HECTD4: variants seen among roughly 807,000 people sequenced by gnomAD.
HECTD4 encodes the protein HECT domain E3 ubiquitin protein ligase 4.
HECTD4 carries 114 observed loss-of-function variants against 471.5 expected under a neutral mutation model. The observed-to-expected ratio is 0.24, with a 90% CI of 0.21 to 0.28. The LOEUF (loss-of-function observed/expected upper bound fraction) is 0.28, where lower values mean the gene tolerates loss of function less well. HECTD4 is among the 10% of genes least tolerant of loss of function. The pLI, the probability that HECTD4 is intolerant of heterozygous loss-of-function variation, is 1.00. For missense variants in HECTD4, 3,866 were observed against 5,651.5 expected (o/e 0.68, Z 10.13); for synonymous variants, 2,012 against 2,256.0 (o/e 0.89, Z 3.07).
At chr12:112,174,126 C>T (rs745776086) in intron 66 of HECTD4, among the ~76,000 whole-genome samples, 11 of 148,230 alleles carry the variant, frequency 7.4e-5, no homozygotes, top group Admixed American at 2.7e-4. Flanking sequence ...TACAGGCGTG[C>T]GCCACCACGC....
chr12:112,300,144 G>A (rs1445791694), intron 7 of HECTD4, among the ~76,000 whole-genome samples: 3 of 151,784 alleles, frequency 2.0e-5, no homozygotes, highest in Non-Finnish European at 4.4e-5. Context: ...GTGAAACCCC[G>A]TCTCTGCTAA....
At chr12:112,373,848 T>C (rs2036729409) in intron 1 of HECTD4, among the ~76,000 whole-genome samples, 1 of 151,098 alleles carries the variant, frequency 6.6e-6, no homozygotes, top group Admixed American at 6.6e-5. Flanking sequence ...CTGCTAAAAA[T>C]ATAAAATTAG....
intron 48 of HECTD4, 77 bp downstream of exon 48, chr12:112,216,215 T>C (rs1199562803): frequency 3.2e-6 from 3 of 938,500 alleles, no homozygotes; most frequent in Non-Finnish European, 5.0e-6. Context: ...GCTAAATTTA[T>C]TCAACTTTAA....
chr12:112,301,385 C>T (rs556165197), intron 7 of HECTD4, among the ~76,000 whole-genome samples: 3 of 144,556 alleles, frequency 2.1e-5, no homozygotes, highest in South Asian at 4.6e-4. Flanking sequence ...GGTTTCACCA[C>T]GTTGGCCAGG....
chr12:112,329,079 T>C (rs1363859437), intron 1 of HECTD4, among the ~76,000 whole-genome samples: 1 of 152,236 alleles, frequency 6.6e-6, no homozygotes, highest in Non-Finnish European at 1.5e-5. Flanking sequence ...AGTTTTCATC[T>C]TTTGTGCTGT....
In HECTD4 at chr12:112,212,541, T is replaced by A. The variant is rs2032792855; in HGVS notation, c.7575A>T (p.Pro2525=). 1.2e-6 allele frequency: 2 copies of A among 1,613,876 alleles called. No homozygotes were observed. The highest frequency in any genetic ancestry group is 1.7e-5 in the Admixed American group (1 of 60,014). ...YFTYCGQRLS[P]YLEDVSGGMW... Reference sequence around the variant, plus strand: ...TGCCACCAGAGACGTCTTCAAGATATGGTGAGAGGCGCTGCCCGCAGTATG... The same window carrying A: ...TGCCACCAGAGACGTCTTCAAGATAAGGTGAGAGGCGCTGCCCGCAGTATG... The change falls in exon 49 of 76, where the codon CCA becomes CCT. Residue 2525 remains proline, a synonymous_variant. Coordinates refer to ENST00000682272, the MANE Select transcript of HECTD4 (RefSeq NM_001388303.1).
Position 112,261,252 on chromosome 12 carries a change from C to T in HECTD4, c.2873+53G>A, listed in dbSNP as rs540770093. 2.2e-5 allele frequency: 32 copies of T among 1,482,622 alleles called. No individual in the cohort carries two copies. In the African/African-American group the frequency reaches 2.9e-4, roughly 14 times the overall value. The allele number at this position is 1,482,622 out of a possible 1,614,324, so 91.8% of individuals were successfully genotyped here. ...TCTAAAAAGATTTAATTTCAATAAA[C>T]AAACTTTTCTTCCCACAGGGCAGCT... On this transcript the variant is annotated intron_variant, in intron 18 of 75. Transcript: ENST00000682272.
rs372037370 is a variant in HECTD4, at chr12:112,230,789, A to G, written c.6234T>C (p.His2078=). ...CTTCTGCAGCCATGCTGTTTGCCAC[A>G]TGCCCACTGATGAAGGGACGCACAG... ...TDPVRPFISG[H]VANSMAAEVI... The change falls in exon 40 of 76, where the codon CAT becomes CAC. Residue 2078 remains histidine (H), a synonymous_variant. Transcript: ENST00000682272. 8 of 1,610,920 alleles carry G rather than the reference A, an allele frequency of 5.0e-6. No homozygotes were observed. The highest frequency in any genetic ancestry group is 1.7e-5 in the Admixed American group (1 of 59,504).
chr12:112,332,949 CATA>C (rs967646862), intron 1 of HECTD4, among the ~76,000 whole-genome samples: 1 of 152,142 alleles, frequency 6.6e-6, no homozygotes, highest in Non-Finnish European at 1.5e-5. Flanking sequence ...TAAATGGAAT[CATA>C]TTATGTGAGG....
chr12:112,230,033 A>T (rs2033338452), intron 40 of HECTD4, among the ~76,000 whole-genome samples, 153 bp from the exon 41 acceptor site: 1 of 152,186 alleles, frequency 6.6e-6, no homozygotes, highest in Admixed American at 6.5e-5. Flanking sequence ...ATGGCCAATG[A>T]CATCTGCCCA....
intron 18 of HECTD4, 69 bp downstream of exon 18, chr12:112,261,236 A>G (rs2034138903): frequency 1.2e-5 from 17 of 1,446,412 alleles, no homozygotes; most frequent in Non-Finnish European, 1.6e-5. Flanking sequence ...TTCTAAAAAG[A>G]TTTAATTTCA....
chr12:112,243,409 G>A lies in HECTD4; in HGVS notation c.4902C>T (p.Val1634=), dbSNP rs774151340. The A allele has an allele frequency of 8.7e-6, 14 of 1,612,450 alleles. No individual in the cohort carries two copies. Among genetic ancestry groups the A allele is most frequent in the East Asian group, 6.7e-5 (3 of 44,832 alleles). The part of the protein sequence containing the change: ...MRELLTAAVR[V]GGVTHLVGPV... ...GACCCACAAGATGCGTCACTCCCCC[G>A]ACTCGTACGGCAGCTGTCAGCAATT... The change falls in exon 32 of 76, where the codon GTC becomes GTT. Residue 1634 remains valine, a synonymous_variant. Transcript: ENST00000682272. This position sits in a 1 kb window ranked among gnomAD's most constrained non-coding sequence, Gnocchi z 6.6.
At position 112,184,220 on chromosome 12, in the gene HECTD4, G is replaced by T; in HGVS notation, c.10746C>A (p.Ala3582=). The stretch of plus-strand genomic sequence containing the variant: ...CTGCGAAGCCTTTGATGGGGCGGGC[G>T]GCGAGGGGCTGGTTGTCCAGGGAAG... ...TVTSLDNQPL[A]ARPIKGFAVV... The change falls in exon 61 of 76, where the codon GCC becomes GCA. Residue 3582 remains alanine, a synonymous_variant. Transcript: ENST00000682272. The surrounding 1 kb of genome is among the most constrained non-coding windows in gnomAD (Gnocchi z 9.1). The T allele has an allele frequency of 6.2e-7, 1 of 1,612,820 alleles. No homozygotes were observed. The highest frequency in any genetic ancestry group is 1.1e-5 in the South Asian group (1 of 91,020).
chr12:112,275,423 A>G (rs1012937814), intron 9 of HECTD4, among the ~76,000 whole-genome samples: 3 of 152,146 alleles, frequency 2.0e-5, no homozygotes, highest in Non-Finnish European at 4.4e-5. Flanking sequence ...CCCTTAACAC[A>G]GGATAGTGCA....
At chr12:112,331,504 C>T (rs972441436) in intron 1 of HECTD4, among the ~76,000 whole-genome samples, 2 of 152,226 alleles carry the variant, frequency 1.3e-5, no homozygotes, top group Admixed American at 1.3e-4. Context: ...TACTTCAGGT[C>T]TCTCAGTCTG....
chr12:112,181,917 C>A (rs2031681769), intron 62 of HECTD4, among the ~76,000 whole-genome samples: 1 of 151,968 alleles, frequency 6.6e-6, no homozygotes, highest in African/African-American at 2.4e-5. Context: ...CATGGTGAAA[C>A]CCCGTCTCTA....
In HECTD4 at chr12:112,193,583, G is replaced by C; in HGVS notation, c.8841C>G (p.Tyr2947Ter). The change falls in exon 57 of 76, where the codon TAC (tyrosine) becomes TAG (stop). Residue 2947 changes from tyrosine (Y) to a stop codon, truncating the protein, a stop_gained. Coordinates refer to ENST00000682272, the MANE Select transcript of HECTD4 (RefSeq NM_001388303.1). LOFTEE classifies it high-confidence loss of function. This position sits in a 1 kb window ranked among gnomAD's most constrained non-coding sequence, Gnocchi z 5.2. ...SQNCSATDLF[Y>*]QGNSQTVREW... ...CTCTCACTGTCTGGGAGTTGCCCTGGTAAAAGAGGTCCGTGGCGGAGCAGT... is the reference window on the plus strand; with the variant it reads ...CTCTCACTGTCTGGGAGTTGCCCTGCTAAAAGAGGTCCGTGGCGGAGCAGT... The C allele has an allele frequency of 6.2e-7, 1 of 1,613,178 alleles. No individual in the cohort carries two copies. Among genetic ancestry groups the C allele is most frequent in the Non-Finnish European group, 8.5e-7 (1 of 1,179,630 alleles).
At chr12:112,315,734 A>T (rs956261389) in intron 2 of HECTD4, among the ~76,000 whole-genome samples, 1 of 152,040 alleles carries the variant, frequency 6.6e-6, no homozygotes, top group Non-Finnish European at 1.5e-5. Context: ...TGTTTTTTTA[A>T]AAGAGACAGG....
At position 112,163,726 on chromosome 12, in the gene HECTD4, T is replaced by G. The variant is rs1265704959; in HGVS notation, c.12713A>C (p.Lys4238Thr). 6.8e-7 allele frequency: 1 copy of G among 1,476,654 alleles called. No homozygotes were observed. Among genetic ancestry groups the G allele is most frequent in the South Asian group, 1.4e-5 (1 of 72,632 alleles). The allele number at this position is 1,476,654 out of a possible 1,614,324, so 91.5% of individuals were successfully genotyped here. A position where few individuals can be genotyped will look rare whatever the true frequency, so the allele number is the denominator to read the frequency against. ...GRHILVAWEN[K>T]DIYAAAIRSL... ...CCGGATGGCTGCCGCGTAGATGTCC[T>G]TGTTCTCCCACCTGCCCGGGTGAGG... Residue 4238 changes from lysine to threonine, a missense_variant, in exon 74 of 76, where the codon AAG (lysine) becomes ACG (threonine). Coordinates refer to ENST00000682272, the MANE Select transcript of HECTD4 (RefSeq NM_001388303.1). This position sits in a 1 kb window ranked among gnomAD's most constrained non-coding sequence, Gnocchi z 8.2.
Sources: allele counts gnomAD v4.1 joint callset (sites outside exome capture counted in the v4.1 genomes callset), GRCh38; gene constraint gnomAD v4.1.1; non-coding constraint Gnocchi (gnomAD v3.1); transcripts MANE v1.5; gene names NCBI Gene and HGNC (gene_info 2026-07-23, HGNC 2026-07-21).